The following CTNNA2 variants were observed in gnomAD, a reference collection of about 807,000 sequenced individuals.
CTNNA2 encodes catenin alpha 2, also known as catenin alpha-2.
A neutral mutation model predicts 101.0 loss-of-function variants in CTNNA2; 42 were observed. The ratio of observed to expected loss-of-function variants is 0.42; its 90% CI spans 0.32 to 0.54. The LOEUF is 0.54. CTNNA2 is among the 20% of genes least tolerant of loss of function. CTNNA2 has a pLI of 0.14. For synonymous variants in CTNNA2, 450 were observed against 456.4 expected (o/e 0.99, Z 0.18); for missense variants, 871 against 1,223.1 (o/e 0.71, Z 4.29).
chr2:80,600,750 A>G (rs1026998196), intron 15 of CTNNA2, among the ~76,000 whole-genome samples: 18 of 152,070 alleles, frequency 1.2e-4, no homozygotes, highest in Admixed American at 1.0e-3. Context: ...GCTCAAGCAA[A>G]CCTCTCACAT....
intron 3 of CTNNA2, among the ~76,000 whole-genome samples, chr2:79,788,451 A>T (rs955525815): frequency 2.4e-4 from 37 of 152,156 alleles, no homozygotes; most frequent in Non-Finnish European, 4.4e-5. Context: ...GAATTTGAAT[A>T]AATTCAGTTA....
At chr2:80,324,566 G>A (rs1189822818) in intron 7 of CTNNA2, among the ~76,000 whole-genome samples, 1 of 152,208 alleles carries the variant, frequency 6.6e-6, no homozygotes, top group South Asian at 2.1e-4. Context: ...TGTGAGAAAT[G>A]TTTAAAAGGT....
chr2:79,213,438 GC>G, intron 2 of CTNNA2, among the ~76,000 whole-genome samples: 1 of 152,316 alleles, frequency 6.6e-6, no homozygotes, highest in South Asian at 2.1e-4. Context: ...TAGTCCTTTT[GC>G]AAGAGTGAGG....
intron 2 of CTNNA2, among the ~76,000 whole-genome samples, chr2:79,667,970 G>A (rs1682540772): frequency 6.6e-6 from 1 of 151,086 alleles, no homozygotes; most frequent in Non-Finnish European, 1.5e-5. Flanking sequence ...GCCGGGCGCG[G>A]TGGCTCACGC....
intron 1 of CTNNA2, among the ~76,000 whole-genome samples, chr2:79,522,158 G>T (rs1672152456): frequency 6.6e-6 from 1 of 152,176 alleles, no homozygotes; most frequent in African/African-American, 2.4e-5. Context: ...CTGTCTTAAG[G>T]ATAGGAGCCG....
intron 1 of CTNNA2, among the ~76,000 whole-genome samples, chr2:79,589,902 A>T (rs1676737231): frequency 6.6e-6 from 1 of 152,182 alleles, no homozygotes; most frequent in African/African-American, 2.4e-5. Context: ...TCAGCCTAAA[A>T]ATTTAGTTAA....
chr2:80,589,373 G>C lies in CTNNA2; in HGVS notation c.2077G>C (p.Glu693Gln). The C allele has an allele frequency of 6.2e-7, 1 of 1,614,124 alleles. No homozygotes were observed. ...IAEQVEIFHQ[E>Q]KSKLDAEVAK... is the part of the protein sequence containing the mutation. Reference sequence around the variant, plus strand: ...TGAGCAGGTGGAGATATTCCATCAAGAGAAAAGCAAGCTGGATGCAGAAGT... The same window carrying C: ...TGAGCAGGTGGAGATATTCCATCAACAGAAAAGCAAGCTGGATGCAGAAGT... Residue 693 changes from glutamate (E) to glutamine (Q), a missense_variant, in exon 15 of 19, where the codon GAG becomes CAG. Physicochemically the swap from Glu to Gln is conservative, Grantham distance 29. Around this residue, in one of 5 missense-constraint regions of CTNNA2, gnomAD observed 93 missense variants for 223.7 expected, o/e 0.42. Transcript: ENST00000402739.
At chr2:79,966,430 C>A (rs1001540553) in intron 7 of CTNNA2, among the ~76,000 whole-genome samples, 1 of 152,066 alleles carries the variant, frequency 6.6e-6, no homozygotes, top group Admixed American at 6.6e-5. Context: ...GAGATAAAGT[C>A]TTTCTATGTT....
rs1222104035 is a variant in CTNNA2 at position 80,173,005 on chromosome 2, A to G, written c.1057-220206A>G. ...TGGGGGGTGAGTACTTTAACATATA[A>G]ATTTGTGGGGAAGGGGTACAATTCA... is the stretch of plus-strand genomic sequence containing the variant. On this transcript the variant is annotated intron_variant, in intron 7 of 18. Coordinates refer to ENST00000402739, the MANE Select transcript of CTNNA2 (RefSeq NM_001282597.3). Among the ~76,000 whole-genome samples, 4 of 152,148 alleles carry G rather than the reference A, an allele frequency of 2.6e-5. No homozygotes were observed. In the East Asian group the frequency reaches 7.7e-4, roughly 29 times the overall value.
rs190972324 is a variant in CTNNA2 at position 79,757,774 on chromosome 2, C to T, written c.298+13192C>T. Among the ~76,000 whole-genome samples, 18 of 152,200 alleles carry T rather than the reference C, an allele frequency of 1.2e-4. 1 individual carries two copies. Among genetic ancestry groups the T allele is most frequent in the African/African-American group, 4.1e-4 (17 of 41,526 alleles). On this transcript the variant is annotated intron_variant, in intron 3 of 18. Coordinates refer to ENST00000402739, the MANE Select transcript of CTNNA2 (RefSeq NM_001282597.3). ...TAGTTTTTATGGTGCCTGCGCTGTGCGACCTGGGAAAATTATTTACTCACT... is the reference window on the plus strand; with the variant it reads ...TAGTTTTTATGGTGCCTGCGCTGTGTGACCTGGGAAAATTATTTACTCACT...
chr2:79,629,865 G>A (rs1679572389), intron 1 of CTNNA2, among the ~76,000 whole-genome samples: 1 of 152,144 alleles, frequency 6.6e-6, no homozygotes. Context: ...AGAGCTAGCA[G>A]ATTCCCAAAT....
intron 18 of CTNNA2, among the ~76,000 whole-genome samples, chr2:80,638,132 G>C (rs1226155269): frequency 6.6e-6 from 1 of 152,204 alleles, no homozygotes; most frequent in Non-Finnish European, 1.5e-5. Context: ...CAAAGGTAGT[G>C]ATGCTCTGCT....
At chr2:79,291,889 C>G (rs1675827936) in intron 2 of CTNNA2, among the ~76,000 whole-genome samples, 2 of 151,958 alleles carry the variant, frequency 1.3e-5, no homozygotes, top group South Asian at 4.1e-4. Context: ...GCCATGGCAG[C>G]CAAGATATTG....
intron 1 of CTNNA2, among the ~76,000 whole-genome samples, chr2:79,639,768 C>T (rs1573544008): frequency 6.6e-6 from 1 of 152,004 alleles, no homozygotes; most frequent in East Asian, 1.9e-4. Context: ...TTTAGTATAA[C>T]TCAAATGACT....
chr2:79,839,045 T>A (rs1422610358), intron 3 of CTNNA2, among the ~76,000 whole-genome samples: 1 of 152,066 alleles, frequency 6.6e-6, no homozygotes, highest in Non-Finnish European at 1.5e-5. Flanking sequence ...TTATTAATCT[T>A]TTAAGCGCAC....
At chr2:80,141,682 C>G (rs1178526513) in intron 7 of CTNNA2, among the ~76,000 whole-genome samples, 3 of 151,858 alleles carry the variant, frequency 2.0e-5, no homozygotes, top group Non-Finnish European at 2.9e-5. Flanking sequence ...CTGCAAGGCC[C>G]AAAGCATGGA....
At chr2:79,417,657 C>A (rs1363337269) in intron 4 of CTNNA2, among the ~76,000 whole-genome samples, 1 of 152,144 alleles carries the variant, frequency 6.6e-6, no homozygotes, top group Non-Finnish European at 1.5e-5. Flanking sequence ...GCATTCCAGC[C>A]CATCCAGATA....
intron 11 of CTNNA2, among the ~76,000 whole-genome samples, chr2:80,546,725 C>T (rs1692102799): frequency 1.3e-5 from 2 of 152,310 alleles, no homozygotes; most frequent in East Asian, 1.9e-4. Context: ...TTTAACAGGA[C>T]TCGTGGAGTC....
chr2:79,994,343 G>C (rs1340228850), intron 7 of CTNNA2, among the ~76,000 whole-genome samples: 2 of 152,154 alleles, frequency 1.3e-5, no homozygotes, highest in Non-Finnish European at 2.9e-5. Flanking sequence ...CACGAGTTGC[G>C]ACATAGTCAA....
Sources: allele counts gnomAD v4.1 joint callset (sites outside exome capture counted in the v4.1 genomes callset), GRCh38; gene constraint gnomAD v4.1.1; regional missense constraint gnomAD v4.1.1; transcripts MANE v1.5; gene names NCBI Gene and HGNC (gene_info 2026-07-23, HGNC 2026-07-21).